The following SMYD3 variants were observed in gnomAD, a reference collection of about 807,000 sequenced individuals.
SMYD3 encodes the protein histone-lysine N-methyltransferase SMYD3.
A neutral mutation model predicts 57.7 loss-of-function variants in SMYD3; 36 were observed. That is an observed-to-expected ratio of 0.62 (90% CI 0.48 to 0.82). SMYD3 has a LOEUF of 0.82. SMYD3 is among the 40% of genes least tolerant of loss of function. The probability of loss-of-function intolerance (pLI) is 0.00; values close to 1 mark genes in which losing one functional copy is unlikely to be tolerated. For missense variants in SMYD3, 515 were observed against 538.8 expected (o/e 0.96, Z 0.44); for synonymous variants, 211 against 195.0 (o/e 1.08, Z -0.68).
intron 5 of SMYD3, among the ~76,000 whole-genome samples, chr1:246,239,578 T>C (rs540590334): frequency 4.6e-4 from 70 of 152,360 alleles, no homozygotes; most frequent in East Asian, 5.8e-4. Context: ...TATAGCAGCA[T>C]GATTTATACT....
At chr1:246,033,568 G>A (rs1373001533) in intron 5 of SMYD3, among the ~76,000 whole-genome samples, 11 of 152,070 alleles carry the variant, frequency 7.2e-5, no homozygotes, top group Non-Finnish European at 1.3e-4. Flanking sequence ...GGCGGATCAC[G>A]TGAGGTCAGG....
chr1:246,405,627 G>A (rs1296141672), intron 1 of SMYD3, among the ~76,000 whole-genome samples: 1 of 152,086 alleles, frequency 6.6e-6, no homozygotes, highest in Non-Finnish European at 1.5e-5. Context: ...TGGACTCTGA[G>A]GCCAGGTGCA....
chr1:246,312,607 G>C lies in SMYD3; in HGVS notation c.531+14594C>G, dbSNP rs147886243. Reference sequence around the variant, plus strand: ...AGCAGTATGCTGTGCGGAAGAAAAGGCAGAGTTTAGGCACTGCACACGACG... The same window carrying C: ...AGCAGTATGCTGTGCGGAAGAAAAGCCAGAGTTTAGGCACTGCACACGACG... On this transcript the variant is annotated intron_variant, in intron 5 of 11. Transcript: ENST00000490107. Among the ~76,000 whole-genome samples, 14 of 152,218 alleles carry C rather than the reference G, an allele frequency of 9.2e-5. No homozygotes were observed. The East Asian group carries it at 2.7e-3, about 29-fold the overall frequency.
At chr1:245,994,352 A>T (rs916321318) in intron 5 of SMYD3, among the ~76,000 whole-genome samples, 3 of 152,188 alleles carry the variant, frequency 2.0e-5, no homozygotes, top group African/African-American at 7.2e-5. Flanking sequence ...CGACAAAATG[A>T]AAGCGAAGGC....
chr1:245,941,264 C>A (rs2057233495), intron 5 of SMYD3, among the ~76,000 whole-genome samples: 1 of 152,140 alleles, frequency 6.6e-6, no homozygotes, highest in South Asian at 2.1e-4. Flanking sequence ...TCCAGGAGAA[C>A]TTGCCCAACC....
chr1:245,855,331 G>GC (rs1188528922), intron 10 of SMYD3, among the ~76,000 whole-genome samples: 1 of 151,448 alleles, frequency 6.6e-6, no homozygotes, highest in Non-Finnish European at 1.5e-5. Context: ...GCTGGGGGGG[G>GC]AATTTATAGC....
At chr1:246,014,817 C>G (rs2059349569) in intron 5 of SMYD3, among the ~76,000 whole-genome samples, 1 of 151,908 alleles carries the variant, frequency 6.6e-6, no homozygotes. Context: ...TCCACTTTAC[C>G]CACTGTCTCT....
intron 5 of SMYD3, among the ~76,000 whole-genome samples, chr1:246,168,701 C>T (rs1010329301): frequency 2.0e-5 from 3 of 152,132 alleles, no homozygotes; most frequent in African/African-American, 7.2e-5. Context: ...AGACTCATTC[C>T]TTTCTGCCCA....
At chr1:246,324,972 A>AGGAG (rs2065314704) in intron 5 of SMYD3, among the ~76,000 whole-genome samples, 3 of 123,590 alleles carry the variant, frequency 2.4e-5, no homozygotes, top group South Asian at 3.2e-4. Context: ...TGAACAAGGA[A>AGGAG]GGAGAAGGAG....
intron 5 of SMYD3, among the ~76,000 whole-genome samples, chr1:246,042,920 G>A (rs927246390): frequency 6.6e-6 from 1 of 152,166 alleles, no homozygotes; most frequent in Admixed American, 6.5e-5. Context: ...CAGGGGCTCT[G>A]AATAGTGGCT....
chr1:245,770,886 C>G (rs902581071), intron 10 of SMYD3, among the ~76,000 whole-genome samples: 6 of 152,070 alleles, frequency 3.9e-5, no homozygotes, highest in Admixed American at 3.9e-4. Context: ...TTAGTCAGAG[C>G]TGAGGAAAGA....
intron 10 of SMYD3, among the ~76,000 whole-genome samples, chr1:245,850,249 A>G (rs1572508506): frequency 6.6e-6 from 1 of 152,234 alleles, no homozygotes; most frequent in Non-Finnish European, 1.5e-5. Flanking sequence ...ATGCCACTGC[A>G]CAATTTTTGT....
intron 3 of SMYD3, among the ~76,000 whole-genome samples, chr1:246,331,313 TAAG>T (rs2065458190): frequency 6.6e-6 from 1 of 152,198 alleles, no homozygotes; most frequent in South Asian, 2.1e-4. Context: ...TTTTAGGAAA[TAAG>T]ATAAGTACTC....
At chr1:246,050,127 T>C (rs1265739664) in intron 5 of SMYD3, among the ~76,000 whole-genome samples, 1 of 152,236 alleles carries the variant, frequency 6.6e-6, no homozygotes, top group Non-Finnish European at 1.5e-5. Flanking sequence ...CACTTTGAAA[T>C]GAAAGATCAG....
At chr1:246,468,738 G>T (rs867701278) in intron 1 of SMYD3, among the ~76,000 whole-genome samples, 1 of 152,156 alleles carries the variant, frequency 6.6e-6, no homozygotes, top group Non-Finnish European at 1.5e-5. Flanking sequence ...CATTTTGGGA[G>T]GCTGAGGTGG....
At chr1:246,454,238 A>T (rs967803968) in intron 1 of SMYD3, among the ~76,000 whole-genome samples, 2 of 152,172 alleles carry the variant, frequency 1.3e-5, no homozygotes, top group African/African-American at 4.8e-5. Context: ...AACCGTCACC[A>T]TTAGCACCAT....
At chr1:245,786,711 TAA>T (rs772440660) in intron 10 of SMYD3, among the ~76,000 whole-genome samples, 16 of 136,302 alleles carry the variant, frequency 1.2e-4, no homozygotes, top group Non-Finnish European at 9.6e-5. Flanking sequence ...ATTCATCCCT[TAA>T]AAAAAAAAAA....
chr1:245,879,925 CACCAGAG>C (rs2052684667), intron 8 of SMYD3, among the ~76,000 whole-genome samples: 1 of 152,154 alleles, frequency 6.6e-6, no homozygotes, highest in Non-Finnish European at 1.5e-5. Flanking sequence ...TTGCTGTACA[CACCAGAG>C]ATAGCACAGG....
At chr1:246,480,649 C>CA in intron 1 of SMYD3, among the ~76,000 whole-genome samples, 1 of 152,194 alleles carries the variant, frequency 6.6e-6, no homozygotes, top group East Asian at 1.9e-4. Context: ...CACTGTACAG[C>CA]AAAAATAATT....
Sources: gnomAD v4.1 joint callset for allele counts (sites outside exome capture counted in the v4.1 genomes callset) on GRCh38, gnomAD v4.1.1 for gene constraint, MANE v1.5 for transcripts, NCBI Gene and HGNC (gene_info 2026-07-23, HGNC 2026-07-21) for gene names.